Variants in FBXL2 observed in about 807,000 individuals in gnomAD.
FBXL2 encodes the protein F-box and leucine rich repeat protein 2, also known as F-box/LRR-repeat protein 2.
Under a neutral mutation model 69.2 loss-of-function variants are expected in FBXL2, and 38 were observed. That is an observed-to-expected ratio of 0.55 (90% confidence interval 0.42 to 0.72). The LOEUF (loss-of-function observed/expected upper bound fraction) is 0.72. Among genes scored for constraint, FBXL2 ranks in the 30% least tolerant of loss-of-function variants. FBXL2 has a pLI of 0.00. For missense variants in FBXL2, 354 were observed against 520.3 expected, an observed-to-expected ratio of 0.68 and a Z score of 3.11; for synonymous variants, 192 against 201.3, an observed-to-expected ratio of 0.95 and a Z score of 0.39.
intron 13 of FBXL2, 53 bp from the exon 14 acceptor site, chr3:33,383,936 T>G: frequency 1.3e-4 from 210 of 1,568,696 alleles, no homozygotes; most frequent in Non-Finnish European, 1.7e-4. Flanking sequence ...TTTTAGGACT[T>G]GAGCCTTGGA....
At chr3:33,279,141 A>G (rs1157267640) in intron 1 of FBXL2, among the ~76,000 whole-genome samples, 1 of 152,208 alleles carries the variant, frequency 6.6e-6, no homozygotes, top group Non-Finnish European at 1.5e-5. Flanking sequence ...GTCTTTAAGC[A>G]TTAAGAATTT....
chr3:33,420,256 G>GA, the FBXL2 span, among the ~76,000 whole-genome samples: 3 of 152,180 alleles, frequency 2.0e-5, no homozygotes, highest in Non-Finnish European at 4.4e-5. Flanking sequence ...AGAACTTTCT[G>GA]AAATATTTAA....
chr3:33,405,920 A>G (rs986172855), downstream of FBXL2, among the ~76,000 whole-genome samples: 1 of 152,226 alleles, frequency 6.6e-6, no homozygotes, highest in African/African-American at 2.4e-5. Context: ...CAATGGATAC[A>G]TGGAAAATAA....
rs550973641 is a variant in FBXL2, at chr3:33,282,584, A to G, written c.3+5069A>G. Among the ~76,000 whole-genome samples, 608 of 152,280 alleles carry G rather than the reference A, an allele frequency of 4.0e-3. 7 individuals are homozygous for G. The highest frequency in any genetic ancestry group is 0.013 in the African/African-American group (551 of 41,552). ...AGTAGTTTTTTCCAATTCTGTGAAG[A>G]AAGTCATTGGTAGCTTGATGGGGAT... On this transcript the variant is annotated intron_variant, in intron 1 of 14. Transcript: ENST00000484457.
intron 12 of FBXL2, 29 bp downstream of exon 12, chr3:33,378,176 GC>G: frequency 6.2e-7 from 1 of 1,607,188 alleles, no homozygotes; most frequent in Non-Finnish European, 8.5e-7. Context: ...GCCCTGCAGG[GC>G]AGCCTGCTCC....
chr3:33,411,072 C>CA, the FBXL2 span, among the ~76,000 whole-genome samples: 5,965 of 65,298 alleles, frequency 0.091, 158 homozygotes, highest in Middle Eastern at 0.16. Context: ...AACTCCATCT[C>CA]AAAAAAAAAA....
downstream of FBXL2, chr3:33,392,964 GT>G (rs1226412538): frequency 3.2e-6 from 1 of 310,924 alleles, no homozygotes. Flanking sequence ...TATCTTACAT[GT>G]TTTTTTAAAT....
At chr3:33,408,460 A>T (rs1237056185), downstream of FBXL2, among the ~76,000 whole-genome samples, 1 of 152,148 alleles carries the variant, frequency 6.6e-6, no homozygotes, top group Non-Finnish European at 1.5e-5. Context: ...TTCCCTCCAA[A>T]ACCACCCAAT....
chr3:33,390,409 A>C (rs372809431), downstream of FBXL2: 15 of 1,612,424 alleles, frequency 9.3e-6, no homozygotes, highest in African/African-American at 1.9e-4. Context: ...AGTCAGGCTT[A>C]GGAAATTAAG....
chr3:33,285,203 A>G (rs2034479004), intron 1 of FBXL2, among the ~76,000 whole-genome samples: 1 of 152,090 alleles, frequency 6.6e-6, no homozygotes, highest in Non-Finnish European at 1.5e-5. Flanking sequence ...CATGTTTAGC[A>G]CTTCCTTCAG....
chr3:33,334,551 G>A (rs2125835785), intron 2 of FBXL2, among the ~76,000 whole-genome samples: 1 of 152,240 alleles, frequency 6.6e-6, no homozygotes, highest in Non-Finnish European at 1.5e-5. Context: ...AACGTGTAAG[G>A]AAATATTAAG....
intron 2 of FBXL2, among the ~76,000 whole-genome samples, chr3:33,314,311 A>G (rs569449192): frequency 1.3e-5 from 2 of 152,112 alleles, no homozygotes; most frequent in Non-Finnish European, 2.9e-5. Flanking sequence ...CGTTTGACCA[A>G]CATCTCCCCA....
At chr3:33,354,370 C>G (rs1431467072) in intron 2 of FBXL2, among the ~76,000 whole-genome samples, 2 of 151,632 alleles carry the variant, frequency 1.3e-5, no homozygotes, top group Admixed American at 6.6e-5. Context: ...AAAAATTGGC[C>G]GGGTGTGGTG....
At position 33,385,683 on chromosome 3, in the gene FBXL2, ACCAT is replaced by A; in HGVS notation, c.*77_*80del. ...GACCTGAGTCTTCCTGACCGACTCC[ACCAT>A]CACCCAATCTGTTGATTCTCCATTG... On this transcript the variant is annotated 3_prime_UTR_variant, in exon 15 of 15. Coordinates refer to ENST00000484457, the MANE Select transcript of FBXL2 (RefSeq NM_012157.5). 1 of 1,138,074 alleles carries A rather than the reference ACCAT, an allele frequency of 8.8e-7. No homozygotes were observed. Among genetic ancestry groups the A allele is most frequent in the Admixed American group, 1.8e-5 (1 of 55,866 alleles). 70.5% of individuals were successfully genotyped at this position (1,138,074 alleles called of 1,614,324 possible).
At chr3:33,399,244 A>T (rs754472858) in intron 12 of FBXL2, among the ~76,000 whole-genome samples, 3 of 152,204 alleles carry the variant, frequency 2.0e-5, no homozygotes, top group Non-Finnish European at 2.9e-5. Context: ...CATGTTGGAA[A>T]AGAGTCCCAG....
intron 2 of FBXL2, among the ~76,000 whole-genome samples, chr3:33,347,415 G>A (rs1264020672): frequency 6.6e-6 from 1 of 152,084 alleles, no homozygotes; most frequent in Non-Finnish European, 1.5e-5. Context: ...TAATCCATTC[G>A]TCTGCTGATG....
intron 12 of FBXL2, among the ~76,000 whole-genome samples, chr3:33,401,906 G>A (rs1318376010): frequency 6.6e-6 from 1 of 152,026 alleles, no homozygotes; most frequent in Non-Finnish European, 1.5e-5. Flanking sequence ...CTGGTCCTCT[G>A]GTCACTCCTC....
rs1396043668 is a variant in FBXL2, at chr3:33,387,356, C to G, written c.*1748C>G. On this transcript the variant is annotated 3_prime_UTR_variant, in exon 15 of 15. Transcript: ENST00000484457. ...GTGGTTCATGCCTATAATCCCAGCA[C>G]TTGGGGAGGCCAAGGCGGGTGGATC... The G allele has an allele frequency of 6.6e-6, 1 of 152,254 alleles. No homozygotes were observed. Among genetic ancestry groups the G allele is most frequent in the East Asian group, 1.9e-4 (1 of 5,202 alleles). The allele number at this position is 152,254 out of a possible 1,614,324, so 9.4% of individuals were successfully genotyped here.
intron 2 of FBXL2, among the ~76,000 whole-genome samples, chr3:33,346,100 G>C (rs1252825957): frequency 6.6e-6 from 1 of 152,070 alleles, no homozygotes; most frequent in African/African-American, 2.4e-5. Flanking sequence ...GGTGACAGGT[G>C]CTTGTAATCC....
Sources: gnomAD v4.1 joint callset for allele counts (sites outside exome capture counted in the v4.1 genomes callset) on GRCh38, gnomAD v4.1.1 for gene constraint, MANE v1.5 for transcripts, NCBI Gene and HGNC (gene_info 2026-07-23, HGNC 2026-07-21) for gene names.